TSC22D4: variants seen among roughly 807,000 people sequenced by gnomAD.
TSC22D4 encodes TSC22 domain family protein 4.
TSC22D4 carries 5 observed loss-of-function variants against 24.9 expected under a neutral mutation model. That is an observed-to-expected ratio of 0.20 (90% CI 0.10 to 0.42). The LOEUF (loss-of-function observed/expected upper bound fraction) is 0.42. Ranked by LOEUF, TSC22D4 falls within the 10% of genes least tolerant of loss-of-function variation. The pLI, the probability that TSC22D4 is intolerant of heterozygous loss-of-function variation, is 1.00. For synonymous variants in TSC22D4, 245 were observed against 243.2 expected (o/e 1.01, Z -0.07); for missense variants, 469 against 547.9 (o/e 0.86, Z 1.44).
chr7:100,467,756 G>A (rs762861059), intron 3 of TSC22D4, 156 bp from the exon 4 acceptor site: 10 of 789,594 alleles, frequency 1.3e-5, no homozygotes, highest in African/African-American at 5.1e-5. Flanking sequence ...GTTGAAGGCC[G>A]CTGCCCAGGG....
chr7:100,476,634 TCA>T (rs1317776074), intron 2 of TSC22D4, among the ~76,000 whole-genome samples: 3 of 152,082 alleles, frequency 2.0e-5, no homozygotes, highest in Admixed American at 2.0e-4. Context: ...GAGTTATCAA[TCA>T]CAGAGAGGCT....
chr7:100,467,685 C>A, intron 3 of TSC22D4, 85 bp from the exon 4 acceptor site: 1 of 1,273,048 alleles, frequency 7.9e-7, no homozygotes, highest in African/African-American at 1.5e-5. Context: ...CCGCCCACAC[C>A]CCCCTGTACC....
intron 1 of TSC22D4, 43 bp from the exon 2 acceptor site, chr7:100,478,350 A>AGAGTGT (rs1228276528): frequency 0.014 from 1,188 of 83,796 alleles, 34 homozygotes; most frequent in Admixed American, 0.026. Context: ...AGAGAGAGAG[A>AGAGTGT]GTGTGTGTGT....
intron 3 of TSC22D4, among the ~76,000 whole-genome samples, chr7:100,473,173 C>T (rs1001461507): frequency 6.6e-6 from 1 of 152,162 alleles, no homozygotes; most frequent in Admixed American, 6.6e-5. Context: ...CAACAGAGCA[C>T]TGTCCCCTAA....
rs199747034 is a variant in TSC22D4, at chr7:100,474,354, G to T, written c.849C>A (p.Phe283Leu). Residue 283 changes from phenylalanine (F) to leucine (L), a missense_variant, in exon 3 of 5, where the codon TTC (phenylalanine) becomes TTA (leucine). Phe to Leu is a conservative substitution (Grantham distance 22). Coordinates refer to ENST00000300181, the MANE Select transcript of TSC22D4 (RefSeq NM_030935.5). The surrounding 1 kb of genome is among the most constrained non-coding windows in gnomAD (Gnocchi z 4.3). Reference sequence around the variant, plus strand: ...TGAACTTCTGAGCTGCTACTGCTCCGAAGGGGTCTGGAGATTTGTGAACCA... The same window carrying T: ...TGAACTTCTGAGCTGCTACTGCTCCTAAGGGGTCTGGAGATTTGTGAACCA... ...ASLVHKSPDP[F>L]GAVAAQKFSL... is the part of the protein sequence containing the mutation. 7 of 1,614,128 alleles carry T rather than the reference G, an allele frequency of 4.3e-6. No individual in the cohort carries two copies. The highest frequency in any genetic ancestry group is 3.3e-5 in the South Asian group (3 of 91,082).
intron 2 of TSC22D4, among the ~76,000 whole-genome samples, chr7:100,476,547 G>A (rs1387394154): frequency 6.6e-6 from 1 of 152,140 alleles, no homozygotes; most frequent in Non-Finnish European, 1.5e-5. Flanking sequence ...TCCTCTTTTG[G>A]AGACAGGAAG....
At chr7:100,476,212 T>G (rs1023718042) in intron 2 of TSC22D4, among the ~76,000 whole-genome samples, 8 of 111,478 alleles carry the variant, frequency 7.2e-5, no homozygotes, top group Admixed American at 1.3e-4. Flanking sequence ...GGGTGCTGAA[T>G]GCAAGAGTTC....
At chr7:100,476,361 T>C (rs1293972711) in intron 2 of TSC22D4, among the ~76,000 whole-genome samples, 1 of 151,924 alleles carries the variant, frequency 6.6e-6, no homozygotes, top group East Asian at 1.9e-4. Flanking sequence ...TTTTATACTG[T>C]GGTTTGTGCC....
chr7:100,466,850 G>T lies in TSC22D4; in HGVS notation c.*109C>A, dbSNP rs1799286491. On this transcript the variant is annotated 3_prime_UTR_variant, in exon 5 of 5. Transcript: ENST00000300181. ...GGGGACCAGGCCATTACTGAGCCTT[G>T]AACTCCCACCCCGGGGACACGGGGA... 4.4e-6 allele frequency: 5 copies of T among 1,130,336 alleles called. No homozygotes were observed. Among genetic ancestry groups the T allele is most frequent in the South Asian group, 1.6e-5 (1 of 61,278 alleles). 70.0% of individuals were successfully genotyped at this position (1,130,336 alleles called of 1,614,324 possible).
chr7:100,475,524 TAGA>T (rs780871831), intron 2 of TSC22D4, among the ~76,000 whole-genome samples: 14 of 152,216 alleles, frequency 9.2e-5, no homozygotes, highest in Non-Finnish European at 1.9e-4. Context: ...TCTCCCCTGC[TAGA>T]AGGTCAGTTT....
At chr7:100,473,665 C>G (rs1799435965) in intron 3 of TSC22D4, 1 of 152,108 alleles carries the variant, frequency 6.6e-6, no homozygotes, top group South Asian at 2.1e-4. Flanking sequence ...TGGCCTCGAA[C>G]TCCTGACCTC....
At chr7:100,468,623 C>T (rs1156272535) in intron 3 of TSC22D4, among the ~76,000 whole-genome samples, 1 of 152,184 alleles carries the variant, frequency 6.6e-6, no homozygotes, top group Non-Finnish European at 1.5e-5. Context: ...AGAAACTGAG[C>T]CCAAAGCCCT....
chr7:100,467,363 A>C (rs1799302030), intron 4 of TSC22D4, 189 bp downstream of exon 4: 2 of 845,752 alleles, frequency 2.4e-6, no homozygotes, highest in Non-Finnish European at 3.8e-6. Flanking sequence ...CAGTAGCCAG[A>C]CTAGAGGCTG....
rs764881410 is a variant in TSC22D4 at position 100,474,461 on chromosome 7, A to C, written c.763-21T>G. Reference sequence around the variant, plus strand: ...GGCACCTGGAGGCGGAGAGGTAGGAACCATCACATGAAAAGAGAAAAGAAA... The same window carrying C: ...GGCACCTGGAGGCGGAGAGGTAGGACCCATCACATGAAAAGAGAAAAGAAA... On this transcript the variant is annotated intron_variant, in intron 2 of 4. Coordinates refer to ENST00000300181, the MANE Select transcript of TSC22D4 (RefSeq NM_030935.5). This position sits in a 1 kb window ranked among gnomAD's most constrained non-coding sequence, Gnocchi z 4.3. 1 of 1,613,188 alleles carries C rather than the reference A, an allele frequency of 6.2e-7. No individual in the cohort carries two copies. The highest frequency in any genetic ancestry group is 8.5e-7 in the Non-Finnish European group (1 of 1,179,708).
At position 100,477,185 on chromosome 7, in the gene TSC22D4, A is replaced by C; in HGVS notation, c.762+92T>G. On this transcript the variant is annotated intron_variant, in intron 2 of 4. Coordinates refer to ENST00000300181, the MANE Select transcript of TSC22D4 (RefSeq NM_030935.5). This position sits in a 1 kb window ranked among gnomAD's most constrained non-coding sequence, Gnocchi z 7.8. ...ATCTGATCTTATAAAGTGATGGAGA[A>C]GGAGGAGGAGAGGGGGGGGAGGAGG... The C allele has an allele frequency of 9.5e-7, 1 of 1,055,216 alleles. No individual in the cohort carries two copies. The highest frequency in any genetic ancestry group is 1.3e-6 in the Non-Finnish European group (1 of 781,788). 65.4% of individuals were successfully genotyped at this position (1,055,216 alleles called of 1,614,324 possible). A position where few individuals can be genotyped will look rare whatever the true frequency, so the allele number is the denominator to read the frequency against.
At position 100,477,322 on chromosome 7, in the gene TSC22D4, G is replaced by A; in HGVS notation, c.717C>T (p.Asp239=). ...CACCCAACTCCATCCGCAGCCGCAT[G>A]TCTACAGCTTTCCTCCGGGACAGTG... ...TPPLSRRKAV[D]MRLRMELGAP... The change falls in exon 2 of 5, where the codon GAC becomes GAT. Residue 239 remains aspartate (D), a synonymous_variant. Transcript: ENST00000300181. The surrounding 1 kb of genome is among the most constrained non-coding windows in gnomAD (Gnocchi z 7.8). 1 of 1,533,554 alleles carries A rather than the reference G, an allele frequency of 6.5e-7. No homozygotes were observed. The highest frequency in any genetic ancestry group is 1.4e-5 in the African/African-American group (1 of 72,054). The allele number at this position is 1,533,554 out of a possible 1,614,324, so 95.0% of individuals were successfully genotyped here.
Position 100,466,675 on chromosome 7 carries a change from C to CG in TSC22D4, c.*283dup, listed in dbSNP as rs1799282297. ...GGTGGGGTGTCTGCCGGGGAGCCTC[C>CG]GACTCCCCCAAGCCGTCTACTGCTG... On this transcript the variant is annotated 3_prime_UTR_variant, in exon 5 of 5. Coordinates refer to ENST00000300181, the MANE Select transcript of TSC22D4 (RefSeq NM_030935.5). 2.2e-6 allele frequency: 1 copy of CG among 456,392 alleles called. No homozygotes were observed. The highest frequency in any genetic ancestry group is 2.0e-5 in the African/African-American group (1 of 50,426). 28.3% of individuals were successfully genotyped at this position (456,392 alleles called of 1,614,324 possible).
chr7:100,467,174 G>C lies in TSC22D4; in HGVS notation c.979-6C>G. On this transcript the variant is annotated splice_polypyrimidine_tract_variant and splice_region_variant and intron_variant, in intron 4 of 4. Coordinates refer to ENST00000300181, the MANE Select transcript of TSC22D4 (RefSeq NM_030935.5). ...AGGTGGGACTTCACCAAGTCCTGGG[G>C]GCCCCGGGACAGGCACAGCGTCAAC... The C allele has an allele frequency of 6.2e-7, 1 of 1,614,062 alleles. No homozygotes were observed. The highest frequency in any genetic ancestry group is 1.1e-5 in the South Asian group (1 of 91,088).
At chr7:100,471,561 G>GA (rs1170543813) in intron 3 of TSC22D4, among the ~76,000 whole-genome samples, 1 of 152,070 alleles carries the variant, frequency 6.6e-6, no homozygotes, top group Non-Finnish European at 1.5e-5. Flanking sequence ...CCAACATGGT[G>GA]AAACCCCGTT....
Sources: gnomAD v4.1 joint callset for allele counts (sites outside exome capture counted in the v4.1 genomes callset) on GRCh38, gnomAD v4.1.1 for gene constraint, Gnocchi (gnomAD v3.1) non-coding constraint, MANE v1.5 for transcripts, NCBI Gene and HGNC (gene_info 2026-07-23, HGNC 2026-07-21) for gene names.